KDM4C: variants seen among roughly 807,000 people sequenced by gnomAD.
KDM4C encodes the protein lysine demethylase 4C.
A neutral mutation model predicts 129.3 loss-of-function variants in KDM4C; 81 were observed. That is an observed-to-expected ratio of 0.63 (90% confidence interval 0.52 to 0.75). The LOEUF (loss-of-function observed/expected upper bound fraction) is 0.75. KDM4C is among the 30% of genes least tolerant of loss of function. The pLI, the probability that KDM4C is intolerant of heterozygous loss-of-function variation, is 0.00. For synonymous variants in KDM4C, 573 were observed against 456.1 expected (o/e 1.26, Z -3.26); for missense variants, 1,457 against 1,304.0 (o/e 1.12, Z -1.81).
At chr9:6,882,201 A>T (rs1844559265) in intron 6 of KDM4C, among the ~76,000 whole-genome samples, 1 of 152,218 alleles carries the variant, frequency 6.6e-6, no homozygotes, top group South Asian at 2.1e-4. Context: ...TCTCAAGTGA[A>T]TTGTTACAAT....
At position 7,073,192 on chromosome 9, in the gene KDM4C, G is replaced by C. The variant is rs188904294; in HGVS notation, c.2424+23992G>C. Among the ~76,000 whole-genome samples, 713 of 152,272 alleles carry C rather than the reference G, an allele frequency of 4.7e-3. 3 individuals carry two copies. Among genetic ancestry groups the C allele is most frequent in the Non-Finnish European group, 7.5e-3 (511 of 68,018 alleles). ...TTTGGCATAGATCTACCTCCATTTA[G>C]AATGTTCCGATCTAACATAGCTATT... On this transcript the variant is annotated intron_variant, in intron 17 of 21. Coordinates refer to ENST00000381309, the MANE Select transcript of KDM4C (RefSeq NM_015061.6).
chr9:6,868,215 A>C (rs1191105351), intron 5 of KDM4C, among the ~76,000 whole-genome samples: 1 of 151,622 alleles, frequency 6.6e-6, no homozygotes, highest in South Asian at 2.1e-4. Context: ...CCTCTCCCTT[A>C]CGCCACTGGT....
chr9:6,984,221 G>A lies in KDM4C; in HGVS notation c.1171G>A (p.Val391Met), dbSNP rs1392284420. 2 of 1,613,918 alleles carry A rather than the reference G, an allele frequency of 1.2e-6. No individual in the cohort carries two copies. Among genetic ancestry groups the A allele is most frequent in the South Asian group, 1.1e-5 (1 of 91,074 alleles). ...KRPKADEEEEVSDEVDGAEVP... is the reference protein window; with the variant it reads ...KRPKADEEEEMSDEVDGAEVP... Reference sequence around the variant, plus strand: ...GCCTAAGGCTGATGAGGAAGAGGAAGTGTCAGATGAAGTCGATGGGGCAGA... The same window carrying A: ...GCCTAAGGCTGATGAGGAAGAGGAAATGTCAGATGAAGTCGATGGGGCAGA... The change falls in exon 10 of 22, where the codon GTG (valine) becomes ATG (methionine). Residue 391 changes from valine to methionine, a missense_variant. Val to Met is a conservative substitution (Grantham distance 21). Transcript: ENST00000381309.
chr9:6,969,048 G>T (rs911126356), intron 8 of KDM4C, among the ~76,000 whole-genome samples: 1 of 152,030 alleles, frequency 6.6e-6, no homozygotes, highest in Non-Finnish European at 1.5e-5. Context: ...TGATTCTTGT[G>T]CCTCGGCTTT....
At chr9:7,102,966 CA>C (rs2133146507) in intron 17 of KDM4C, among the ~76,000 whole-genome samples, 1 of 152,146 alleles carries the variant, frequency 6.6e-6, no homozygotes, top group East Asian at 1.9e-4. Flanking sequence ...TAATTGTATG[CA>C]ATTTACTTTT....
At chr9:6,747,013 AAAAAAAAAAAAAAAAAG>A (rs1352043182) in intron 1 of KDM4C, among the ~76,000 whole-genome samples, 1 of 149,230 alleles carries the variant, frequency 6.7e-6, no homozygotes, top group East Asian at 2.0e-4. Flanking sequence ...CAAAAAAAAA[AAAAAAAAAAAAAAAAAG>A]AAAAAGAAAA....
intron 8 of KDM4C, among the ~76,000 whole-genome samples, chr9:6,916,536 A>G (rs933187346): frequency 6.6e-6 from 1 of 152,210 alleles, no homozygotes; most frequent in Non-Finnish European, 1.5e-5. Context: ...CTGGGATTAT[A>G]GGAGTGAGCC....
At chr9:7,083,339 A>G (rs1218587969) in intron 17 of KDM4C, among the ~76,000 whole-genome samples, 11 of 152,222 alleles carry the variant, frequency 7.2e-5, no homozygotes, top group Admixed American at 7.2e-4. Context: ...AAACTTTGGA[A>G]CATTTTGGAC....
Position 6,826,565 on chromosome 9 carries a change from T to C in KDM4C, c.435+11820T>C, listed in dbSNP as rs114258432. On this transcript the variant is annotated intron_variant, in intron 4 of 21. Coordinates refer to ENST00000381309, the MANE Select transcript of KDM4C (RefSeq NM_015061.6). ...TGATAGATGTTCTTCAACAAGATGA[T>C]TGAAAATTTATCTTATTTGGCCGGG... Among the ~76,000 whole-genome samples the C allele has an allele frequency of 2.1e-3, 322 of 152,254 alleles. 3 individuals carry two copies. The highest frequency in any genetic ancestry group is 6.3e-3 in the African/African-American group (263 of 41,558).
chr9:7,142,237 G>A (rs117508853), intron 19 of KDM4C, among the ~76,000 whole-genome samples: 4 of 152,014 alleles, frequency 2.6e-5, no homozygotes, highest in African/African-American at 9.7e-5. Context: ...CCTTTATTCT[G>A]TGCATGCAGC....
rs373355137 is a variant in KDM4C at position 6,980,914 on chromosome 9, T to C, written c.922-11T>C. 84 of 1,612,882 alleles carry C rather than the reference T, an allele frequency of 5.2e-5. No homozygotes were observed. Among genetic ancestry groups the C allele is most frequent in the Non-Finnish European group, 7.0e-5 (83 of 1,179,298 alleles). On this transcript the variant is annotated splice_polypyrimidine_tract_variant and intron_variant, in intron 8 of 21. Coordinates refer to ENST00000381309, the MANE Select transcript of KDM4C (RefSeq NM_015061.6). ...AAACGTTTAACACTCTCCAACCCGG[T>C]TGTGTTTCAGTGCACTTGCAGGAAA...
At chr9:6,760,026 C>T (rs958051022) in intron 1 of KDM4C, among the ~76,000 whole-genome samples, 1 of 151,396 alleles carries the variant, frequency 6.6e-6, no homozygotes, top group Non-Finnish European at 1.5e-5. Context: ...TCTTGTGCAA[C>T]CATCACCACA....
chr9:7,090,738 T>C (rs1383015331), intron 17 of KDM4C, among the ~76,000 whole-genome samples: 1 of 152,234 alleles, frequency 6.6e-6, no homozygotes, highest in African/African-American at 2.4e-5. Flanking sequence ...CCTCCTTCCC[T>C]CAGCAGGTAT....
chr9:6,853,362 C>T lies in KDM4C; in HGVS notation c.629+3662C>T, dbSNP rs547721623. Among the ~76,000 whole-genome samples the T allele has an allele frequency of 2.2e-4, 34 of 152,072 alleles. No homozygotes were observed. In the South Asian group the frequency reaches 3.7e-3, roughly 17 times the overall value. The stretch of plus-strand genomic sequence containing the variant: ...AGAAAATTAGCCGGTCATAGTGGCT[C>T]ACGCCTGTAGCCCCAGCTGATCGGA... On this transcript the variant is annotated intron_variant, in intron 5 of 21. Coordinates refer to ENST00000381309, the MANE Select transcript of KDM4C (RefSeq NM_015061.6).
chr9:7,015,826 G>A (rs377406476), intron 14 of KDM4C, 27 bp from the exon 15 acceptor site: 49 of 1,492,846 alleles, frequency 3.3e-5, no homozygotes, highest in African/African-American at 5.5e-5. Flanking sequence ...AAGACCTAAC[G>A]CATGGATACA....
chr9:7,096,762 C>T (rs1303319855), intron 17 of KDM4C, among the ~76,000 whole-genome samples: 1 of 152,116 alleles, frequency 6.6e-6, no homozygotes, highest in Non-Finnish European at 1.5e-5. Context: ...CACTAAAGAT[C>T]ATGCTGATTT....
At chr9:7,039,922 G>C (rs1564026085) in intron 15 of KDM4C, among the ~76,000 whole-genome samples, 1 of 151,958 alleles carries the variant, frequency 6.6e-6, no homozygotes, top group Non-Finnish European at 1.5e-5. Flanking sequence ...GCATTTTGTG[G>C]CTCATATCAT....
intron 1 of KDM4C, among the ~76,000 whole-genome samples, chr9:6,751,733 G>C (rs1158999895): frequency 6.6e-6 from 1 of 152,148 alleles, no homozygotes; most frequent in Admixed American, 6.6e-5. Flanking sequence ...GTTCACAATA[G>C]TCAGCTCAAG....
chr9:7,170,406 A>T, intron 21 of KDM4C: 1 of 993,020 alleles, frequency 1.0e-6, no homozygotes, highest in Non-Finnish European at 1.2e-6. Flanking sequence ...AAAAGGGATA[A>T]ACAAAGCCTA....
Sources: gnomAD v4.1 joint callset for allele counts (sites outside exome capture counted in the v4.1 genomes callset) on GRCh38, gnomAD v4.1.1 for gene constraint, MANE v1.5 for transcripts, NCBI Gene and HGNC (gene_info 2026-07-23, HGNC 2026-07-21) for gene names.